Variants in ALG9 observed in about 807,000 individuals in gnomAD.
The protein encoded by ALG9 is ALG9 alpha-1,2-mannosyltransferase.
In ALG9, 55 loss-of-function variants were observed where a neutral mutation model predicts 81.8. That is an observed-to-expected ratio of 0.67 (90% CI 0.54 to 0.84). The LOEUF is 0.84. Among genes scored for constraint, ALG9 ranks in the 40% least tolerant of loss-of-function variants. ALG9 has a pLI of 0.00. For missense variants in ALG9, 629 were observed against 745.0 expected, an observed-to-expected ratio of 0.84 and a Z score of 1.81; for synonymous variants, 278 against 274.3, an observed-to-expected ratio of 1.01 and a Z score of -0.13.
In ALG9 at chr11:111,838,325, T is replaced by C. The variant is rs782613993; in HGVS notation, c.1248A>G (p.Thr416=). The C allele has an allele frequency of 7.4e-6, 12 of 1,614,006 alleles. No homozygotes were observed. The highest frequency in any genetic ancestry group is 1.1e-5 in the South Asian group (1 of 91,090). ...CAGTTCCTAATGCCAGCCAATTCGA[T>C]GTCACAGTATAGTGCTCCAGGCGAT... The part of the protein sequence containing the change: ...QRYRLEHYTV[T]SNWLALGTVF... The change falls in exon 11 of 15, where the codon ACA becomes ACG. Residue 416 remains threonine, a synonymous_variant. Transcript: ENST00000616540.
chr11:111,801,047 G>A (rs1555080073), intron 14 of ALG9, among the ~76,000 whole-genome samples: 2 of 152,168 alleles, frequency 1.3e-5, no homozygotes. Context: ...AGAATAGTGA[G>A]GTGTGCAGCC....
intron 14 of ALG9, among the ~76,000 whole-genome samples, chr11:111,807,593 ACCT>A (rs1950110566): frequency 6.6e-6 from 1 of 151,888 alleles, no homozygotes; most frequent in Non-Finnish European, 1.5e-5. Context: ...TTCCCTACCC[ACCT>A]CCAAACAGTA....
At chr11:111,781,088 A>G (rs1945909940), downstream of ALG9, among the ~76,000 whole-genome samples, 1 of 152,252 alleles carries the variant, frequency 6.6e-6, no homozygotes, top group Non-Finnish European at 1.5e-5. Flanking sequence ...TAGACAAGGG[A>G]AAATAAATTA....
At chr11:111,806,166 A>T (rs1555085116) in intron 14 of ALG9, among the ~76,000 whole-genome samples, 2 of 152,020 alleles carry the variant, frequency 1.3e-5, no homozygotes, top group Non-Finnish European at 2.9e-5. Context: ...GGCCACACTA[A>T]AAATTTTTTT....
At chr11:111,831,275 A>T (rs1452332974) in intron 13 of ALG9, among the ~76,000 whole-genome samples, 1 of 152,140 alleles carries the variant, frequency 6.6e-6, no homozygotes, top group Non-Finnish European at 1.5e-5. Context: ...TCCTGACCTC[A>T]GGTGATCCTC....
chr11:111,870,717 C>G, intron 1 of ALG9: 1 of 1,025,324 alleles, frequency 9.8e-7, no homozygotes, highest in Non-Finnish European at 1.2e-6. Flanking sequence ...TTAACTCATA[C>G]ACTTTAGCTC....
At chr11:111,859,303 A>G (rs1959196189) in intron 5 of ALG9, among the ~76,000 whole-genome samples, 1 of 152,062 alleles carries the variant, frequency 6.6e-6, no homozygotes, top group Non-Finnish European at 1.5e-5. Context: ...GGAGTTTGAG[A>G]ACAGCCTGAC....
intron 12 of ALG9, 127 bp downstream of exon 12, chr11:111,837,341 G>T: frequency 9.0e-7 from 1 of 1,114,226 alleles, no homozygotes; most frequent in Non-Finnish European, 1.3e-6. Context: ...ACAGCTCTCC[G>T]ACGTGGTAGA....
At chr11:111,820,094 G>A (rs1266318734) in intron 13 of ALG9, among the ~76,000 whole-genome samples, 1 of 152,186 alleles carries the variant, frequency 6.6e-6, no homozygotes, top group East Asian at 1.9e-4. Flanking sequence ...AGGTGCTGGT[G>A]TCTGGTAAGG....
chr11:111,845,873 T>G (rs1592246421), intron 8 of ALG9, among the ~76,000 whole-genome samples: 1 of 152,044 alleles, frequency 6.6e-6, no homozygotes. Context: ...GCTAGAAACA[T>G]TTAGGGGAGA....
At chr11:111,788,916 C>T (rs1946912169) in intron 14 of ALG9, among the ~76,000 whole-genome samples, 1 of 152,134 alleles carries the variant, frequency 6.6e-6, no homozygotes, top group Non-Finnish European at 1.5e-5. Context: ...ACAATAAAAG[C>T]TTCATTAATA....
chr11:111,841,390 G>C (rs1210884749), intron 9 of ALG9, among the ~76,000 whole-genome samples: 2 of 152,182 alleles, frequency 1.3e-5, no homozygotes, highest in African/African-American at 4.8e-5. Flanking sequence ...AGGAAGTTCA[G>C]TGATTGTTTT....
At chr11:111,793,520 G>C (rs1947754800) in intron 14 of ALG9, among the ~76,000 whole-genome samples, 1 of 152,178 alleles carries the variant, frequency 6.6e-6, no homozygotes, top group Non-Finnish European at 1.5e-5. Context: ...CCAGCACTTT[G>C]GGAGGCCGAG....
rs1172979502 is a variant in ALG9 at position 111,785,454 on chromosome 11, T to C, written c.*943A>G. On this transcript the variant is annotated 3_prime_UTR_variant, in exon 15 of 15. Transcript: ENST00000616540. ...CCTCACAACAGACAGAACTAAAAAA[T>C]AGGTGCTATAAATATACACTGATCC... 2 of 152,844 alleles carry C rather than the reference T, an allele frequency of 1.3e-5. No individual in the cohort carries two copies. The highest frequency in any genetic ancestry group is 4.8e-5 in the African/African-American group (2 of 41,436). The allele number at this position is 152,844 out of a possible 1,614,324, so 9.5% of individuals were successfully genotyped here. A position where few individuals can be genotyped will look rare whatever the true frequency, so the allele number is the denominator to read the frequency against.
rs1555127171 is a variant in ALG9, at chr11:111,844,627, A to G, written c.992T>C (p.Met331Thr). ...ALLVLPLTSLMEYLLQRFHVQ... is the reference protein window; with the variant it reads ...ALLVLPLTSLTEYLLQRFHVQ... ...ATGAAATCTCTGCAGCAGGTATTCC[A>G]TAAGAGAAGTCAGTGGTAGGACTAG... is the stretch of plus-strand genomic sequence containing the variant. Residue 331 changes from methionine (M) to threonine (T), a missense_variant, in exon 9 of 15, where the codon ATG becomes ACG. Met to Thr is a moderately conservative substitution (Grantham distance 81). Coordinates refer to ENST00000616540, the MANE Select transcript of ALG9 (RefSeq NM_024740.2). 1.2e-6 allele frequency: 2 copies of G among 1,614,026 alleles called. No individual in the cohort carries two copies. Among genetic ancestry groups the G allele is most frequent in the African/African-American group, 1.3e-5 (1 of 74,934 alleles).
intron 10 of ALG9, among the ~76,000 whole-genome samples, chr11:111,840,114 G>GA (rs1216759363): frequency 2.0e-5 from 3 of 152,094 alleles, no homozygotes; most frequent in Admixed American, 6.5e-5. Context: ...AACCTGTTAA[G>GA]AAAAAAACCT....
chr11:111,854,652 T>C (rs781873445), intron 6 of ALG9, among the ~76,000 whole-genome samples: 1 of 152,262 alleles, frequency 6.6e-6, no homozygotes, highest in Non-Finnish European at 1.5e-5. Context: ...TCTTCTGTGA[T>C]TTGAACCTCC....
At chr11:111,813,559 T>A (rs1951050094) in intron 13 of ALG9, among the ~76,000 whole-genome samples, 1 of 152,004 alleles carries the variant, frequency 6.6e-6, no homozygotes, top group Non-Finnish European at 1.5e-5. Context: ...TCAAAAAACA[T>A]TAAGAATTAA....
intron 14 of ALG9, among the ~76,000 whole-genome samples, chr11:111,796,378 G>C (rs1948286703): frequency 6.6e-6 from 1 of 152,190 alleles, no homozygotes; most frequent in Non-Finnish European, 1.5e-5. Context: ...AGCAGTGGTG[G>C]TCCTAAAACA....
Sources: allele counts gnomAD v4.1 joint callset (sites outside exome capture counted in the v4.1 genomes callset), GRCh38; gene constraint gnomAD v4.1.1; transcripts MANE v1.5; gene names NCBI Gene and HGNC (gene_info 2026-07-23, HGNC 2026-07-21).